Variants in NLRC5 observed in about 807,000 individuals in gnomAD.
NLRC5 encodes protein NLRC5.
NLRC5 carries 114 observed loss-of-function variants against 206.9 expected under a neutral mutation model. That is an observed-to-expected ratio of 0.55 (90% CI 0.47 to 0.64). The LOEUF (loss-of-function observed/expected upper bound fraction) is 0.64, where lower values mean the gene tolerates loss of function less well. NLRC5 is among the 30% of genes least tolerant of loss of function. The probability of loss-of-function intolerance (pLI) is 0.00; values close to 1 mark genes in which losing one functional copy is unlikely to be tolerated. For synonymous variants in NLRC5, 952 were observed against 962.8 expected (o/e 0.99, Z 0.21); for missense variants, 2,008 against 2,305.5 (o/e 0.87, Z 2.64).
At chr16:56,992,022 CAG>C (rs1167623386) in intron 1 of NLRC5, 47 of 152,260 alleles carry the variant, frequency 3.1e-4, no homozygotes, top group African/African-American at 1.1e-3. Flanking sequence ...CACATGAAGA[CAG>C]AGACATACGG....
intron 1 of NLRC5, chr16:57,013,277 G>A: frequency 1.3e-5 from 8 of 598,312 alleles, no homozygotes; most frequent in South Asian, 1.1e-4. Context: ...AGCTATAACT[G>A]TAGTGATCAC....
At chr16:57,060,859 C>T (rs371158171) in intron 30 of NLRC5, among the ~76,000 whole-genome samples, 4 of 152,358 alleles carry the variant, frequency 2.6e-5, no homozygotes, top group South Asian at 2.1e-4. Flanking sequence ...GAGTGAACTG[C>T]CCCGAGGTTC....
chr16:57,041,289 C>T, intron 17 of NLRC5, 196 bp from the exon 18 acceptor site: 1 of 559,700 alleles, frequency 1.8e-6, no homozygotes, highest in African/African-American at 1.9e-5. Context: ...TGCCCACCCT[C>T]TGCCTATATG....
At chr16:56,999,118 T>C (rs527356467) in intron 1 of NLRC5, among the ~76,000 whole-genome samples, 1 of 152,322 alleles carries the variant, frequency 6.6e-6, no homozygotes, top group South Asian at 2.1e-4. Context: ...GGCTAGAGCA[T>C]TCTCTTGGGT....
Position 57,025,564 on chromosome 16 carries a change from G to A in NLRC5, c.621G>A (p.Val207=), listed in dbSNP as rs1382188370. 6.2e-7 allele frequency: 1 copy of A among 1,614,022 alleles called. No homozygotes were observed. Residue 207 remains valine (V), a synonymous_variant, in exon 6 of 49, where the codon GTG becomes GTA. Coordinates refer to ENST00000688547, the MANE Select transcript of NLRC5 (RefSeq NM_001384950.1). ...TCAAGGTGGAAGATGGTGCTGACGT[G>A]AGCATCTCGGACCTCTTCAACACCA... ...GDVKVEDGAD[V]SISDLFNTRV... is the part of the protein sequence containing the mutation.
chr16:56,992,853 G>A (rs57674206), intron 1 of NLRC5, among the ~76,000 whole-genome samples: 2,227 of 149,204 alleles, frequency 0.015, 66 homozygotes, highest in African/African-American at 0.051. Flanking sequence ...ATGGAATTAT[G>A]CGTTAAAGGG....
chr16:57,054,724 G>A (rs2065378226), intron 24 of NLRC5, 27 bp from the exon 25 acceptor site: 2 of 1,455,726 alleles, frequency 1.4e-6, no homozygotes, highest in South Asian at 1.1e-5. Flanking sequence ...CACTCATCTT[G>A]CCGGATCTAC....
intron 1 of NLRC5, among the ~76,000 whole-genome samples, chr16:57,006,246 G>A (rs374054212): frequency 6.0e-4 from 91 of 151,816 alleles, no homozygotes; most frequent in African/African-American, 1.8e-3. Flanking sequence ...TGATCTGCCC[G>A]CCTTTGCCCC....
intron 46 of NLRC5, among the ~76,000 whole-genome samples, chr16:57,080,409 G>A (rs868715335): frequency 6.7e-6 from 1 of 149,420 alleles, no homozygotes; most frequent in Middle Eastern, 3.5e-3. Context: ...ATTTATTTTT[G>A]TAACTACCTT....
At chr16:57,055,582 G>A in intron 27 of NLRC5, 63 bp downstream of exon 27, 1 of 1,335,164 alleles carries the variant, frequency 7.5e-7, no homozygotes, top group Non-Finnish European at 1.1e-6. Context: ...GCACTGAAGG[G>A]GGTATGAGGG....
chr16:57,026,591 C>A lies in NLRC5; in HGVS notation c.1648C>A (p.Arg550=), dbSNP rs768062905. ...TACCCTCCATTCCCGCTGGGTACAG[C>A]GGACCAAAGCTAGACTGGGCCTCTC... ...YVTLHSRWVQ[R]TKARLGLSDH... is the part of the protein sequence containing the mutation. The change falls in exon 6 of 49, where the codon CGG becomes AGG. Residue 550 remains arginine (R), a synonymous_variant. Coordinates refer to ENST00000688547, the MANE Select transcript of NLRC5 (RefSeq NM_001384950.1). 13 of 1,614,206 alleles carry A rather than the reference C, an allele frequency of 8.1e-6. No individual in the cohort carries two copies. Among genetic ancestry groups the A allele is most frequent in the East Asian group, 4.5e-5 (2 of 44,884 alleles).
At chr16:57,010,378 A>AT (rs1171228001) in intron 1 of NLRC5, among the ~76,000 whole-genome samples, 2 of 151,980 alleles carry the variant, frequency 1.3e-5, no homozygotes, top group African/African-American at 2.4e-5. Flanking sequence ...TAACTTTTTA[A>AT]TTTTTTTGTT....
intron 27 of NLRC5, among the ~76,000 whole-genome samples, chr16:57,057,753 G>A (rs1329107485): frequency 1.3e-5 from 2 of 152,228 alleles, no homozygotes; most frequent in African/African-American, 4.8e-5. Flanking sequence ...GGGGATAGTA[G>A]CAGAGAACGT....
chr16:57,065,120 C>T, intron 32 of NLRC5, 92 bp from the exon 33 acceptor site: 1 of 744,292 alleles, frequency 1.3e-6, no homozygotes, highest in East Asian at 3.3e-5. Context: ...TCTAGGTCCC[C>T]CCCTTGACAC....
At chr16:57,000,225 C>T (rs2058090903) in intron 1 of NLRC5, among the ~76,000 whole-genome samples, 1 of 152,164 alleles carries the variant, frequency 6.6e-6, no homozygotes, top group Non-Finnish European at 1.5e-5. Flanking sequence ...GCAAGGCCAC[C>T]AGCTGGCCAC....
chr16:56,998,791 C>T (rs543927023), intron 1 of NLRC5, among the ~76,000 whole-genome samples: 5 of 152,202 alleles, frequency 3.3e-5, no homozygotes, highest in African/African-American at 9.7e-5. Context: ...GATACAGCCA[C>T]GTCAACAAAA....
chr16:57,055,160 G>A, intron 26 of NLRC5, 66 bp downstream of exon 26: 1 of 1,558,068 alleles, frequency 6.4e-7, no homozygotes, highest in Admixed American at 1.7e-5. Flanking sequence ...CTGCCTCCTG[G>A]GTGGCCAGAG....
At chr16:57,028,012 G>T in intron 6 of NLRC5, 60 bp from the exon 7 acceptor site, 2 of 1,205,974 alleles carry the variant, frequency 1.7e-6, no homozygotes, top group Non-Finnish European at 2.4e-6. Flanking sequence ...AGGGGATGGC[G>T]ATGACTTCTC....
intron 1 of NLRC5, among the ~76,000 whole-genome samples, chr16:57,011,817 C>T (rs189225994): frequency 1.3e-5 from 2 of 151,782 alleles, no homozygotes; most frequent in East Asian, 1.9e-4. Context: ...GCCATTTTTA[C>T]TATACAGAAA....
Sources: allele counts gnomAD v4.1 joint callset (sites outside exome capture counted in the v4.1 genomes callset), GRCh38; gene constraint gnomAD v4.1.1; transcripts MANE v1.5; gene names NCBI Gene and HGNC (gene_info 2026-07-23, HGNC 2026-07-21).